The following TMTC2 variants were observed in gnomAD, a reference collection of about 807,000 sequenced individuals.
The protein encoded by TMTC2 is protein O-mannosyl-transferase TMTC2.
A neutral mutation model predicts 82.4 loss-of-function variants in TMTC2; 43 were observed. The ratio of observed to expected loss-of-function variants is 0.52; its 90% CI spans 0.41 to 0.67. The LOEUF (loss-of-function observed/expected upper bound fraction) is 0.67. Ranked by LOEUF, TMTC2 falls within the 30% of genes least tolerant of loss-of-function variation. The pLI is 0.00. For synonymous variants in TMTC2, 408 were observed against 381.9 expected (o/e 1.07, Z -0.80); for missense variants, 919 against 1,012.4 (o/e 0.91, Z 1.25).
Position 82,962,309 on chromosome 12 carries a change from A to T in TMTC2, c.1599-2715A>T, listed in dbSNP as rs796338564. On this transcript the variant is annotated intron_variant, in intron 4 of 11. Coordinates refer to ENST00000321196, the MANE Select transcript of TMTC2 (RefSeq NM_152588.3). ...TGTTCATTCCATCTAGCCTAATAGC[A>T]TGTTTGCCCTTTAGGAATGTAATTA... Among the ~76,000 whole-genome samples, 9 of 152,124 alleles carry T rather than the reference A, an allele frequency of 5.9e-5. 1 individual carries two copies. Among genetic ancestry groups the T allele is most frequent in the African/African-American group, 2.2e-4 (9 of 41,530 alleles).
intron 4 of TMTC2, among the ~76,000 whole-genome samples, chr12:82,958,354 C>CAAAAAAAAAAA (rs750819932): frequency 7.0e-4 from 14 of 19,944 alleles, no homozygotes; most frequent in African/African-American, 2.6e-3. Context: ...GAGTCTGTCT[C>CAAAAAAAAAAA]AAAAAAAAAA....
At chr12:82,891,542 A>G (rs1485912097) in intron 2 of TMTC2, among the ~76,000 whole-genome samples, 1 of 152,152 alleles carries the variant, frequency 6.6e-6, no homozygotes, top group African/African-American at 2.4e-5. Context: ...TCCCGACCTC[A>G]GGTGACCCGC....
intron 1 of TMTC2, among the ~76,000 whole-genome samples, chr12:82,806,591 C>T (rs1483394328): frequency 1.3e-5 from 2 of 152,116 alleles, no homozygotes; most frequent in Non-Finnish European, 2.9e-5. Context: ...ATTACTAATA[C>T]TATTGACTAT....
intron 11 of TMTC2, among the ~76,000 whole-genome samples, chr12:83,066,092 A>T (rs2137480085): frequency 6.6e-6 from 1 of 152,098 alleles, no homozygotes; most frequent in East Asian, 1.9e-4. Context: ...AGAAATGTAC[A>T]ATCTAATGTG....
At chr12:82,805,278 C>T (rs1188009986) in intron 1 of TMTC2, among the ~76,000 whole-genome samples, 2 of 152,036 alleles carry the variant, frequency 1.3e-5, no homozygotes, top group African/African-American at 4.8e-5. Context: ...CATGCCAGGA[C>T]AAATATTTAG....
intron 4 of TMTC2, among the ~76,000 whole-genome samples, chr12:82,945,480 T>C (rs1430637746): frequency 1.3e-5 from 2 of 152,216 alleles, no homozygotes; most frequent in African/African-American, 4.8e-5. Context: ...CACATCCTGT[T>C]TTAATGCCTT....
At chr12:82,977,250 A>G (rs1478990000) in intron 7 of TMTC2, among the ~76,000 whole-genome samples, 1 of 151,960 alleles carries the variant, frequency 6.6e-6, no homozygotes, top group East Asian at 1.9e-4. Flanking sequence ...GAATTTTATC[A>G]AAAACTTGAC....
intron 4 of TMTC2, among the ~76,000 whole-genome samples, chr12:82,939,319 A>G (rs1180325774): frequency 1.3e-5 from 2 of 152,118 alleles, no homozygotes; most frequent in Admixed American, 6.5e-5. Flanking sequence ...AATTTTTAAC[A>G]TATCACTTTT....
intron 1 of TMTC2, among the ~76,000 whole-genome samples, chr12:82,776,449 A>G (rs1217240453): frequency 6.6e-6 from 1 of 152,028 alleles, no homozygotes; most frequent in Non-Finnish European, 1.5e-5. Context: ...TCTGCTGGGT[A>G]AATGAGTATC....
chr12:82,917,815 GA>G (rs1875099163), intron 3 of TMTC2, among the ~76,000 whole-genome samples: 1 of 152,196 alleles, frequency 6.6e-6, no homozygotes, highest in Non-Finnish European at 1.5e-5. Flanking sequence ...TGTTAGCCAG[GA>G]TGGTCTTGAT....
At chr12:82,754,436 C>T (rs895822381) in intron 1 of TMTC2, among the ~76,000 whole-genome samples, 2 of 152,136 alleles carry the variant, frequency 1.3e-5, no homozygotes, top group South Asian at 4.2e-4. Flanking sequence ...AGGTACTTGC[C>T]TTTAAAAAGT....
chr12:82,894,848 G>A (rs989338733), intron 2 of TMTC2, among the ~76,000 whole-genome samples: 6 of 152,056 alleles, frequency 3.9e-5, no homozygotes, highest in Non-Finnish European at 8.8e-5. Context: ...TGCCCAGGCT[G>A]GAGTGCAGTG....
At chr12:82,898,297 CA>C (rs1873783082) in intron 3 of TMTC2, among the ~76,000 whole-genome samples, 1 of 152,168 alleles carries the variant, frequency 6.6e-6, no homozygotes, top group Non-Finnish European at 1.5e-5. Context: ...GAATAATTAT[CA>C]GCTAGTTTTT....
At chr12:82,940,630 G>T (rs1209327581) in intron 4 of TMTC2, among the ~76,000 whole-genome samples, 2 of 150,304 alleles carry the variant, frequency 1.3e-5, no homozygotes, top group African/African-American at 2.4e-5. Context: ...CCTCTGGTGG[G>T]GCCTCTGCAC....
chr12:82,727,232 C>T (rs1373406058), intron 1 of TMTC2, among the ~76,000 whole-genome samples: 3 of 152,032 alleles, frequency 2.0e-5, no homozygotes, highest in Admixed American at 2.0e-4. Context: ...AACCTTTCTT[C>T]TAGTCTTTTT....
chr12:82,853,845 A>G (rs1871113778), intron 1 of TMTC2, among the ~76,000 whole-genome samples: 1 of 152,056 alleles, frequency 6.6e-6, no homozygotes, highest in Non-Finnish European at 1.5e-5. Flanking sequence ...TTACATCAAT[A>G]TCTAGGTTAA....
chr12:83,000,834 A>C (rs1054585991), intron 8 of TMTC2, among the ~76,000 whole-genome samples: 3 of 152,216 alleles, frequency 2.0e-5, no homozygotes, highest in African/African-American at 7.2e-5. Flanking sequence ...ATCTTCTGAA[A>C]TCTAGGTGGA....
At chr12:82,852,319 G>T (rs539524920) in intron 1 of TMTC2, among the ~76,000 whole-genome samples, 21 of 152,154 alleles carry the variant, frequency 1.4e-4, no homozygotes. Flanking sequence ...GTGTTAGCCA[G>T]GATGGTCTCG....
chr12:83,068,287 T>C (rs1882990005), intron 11 of TMTC2, among the ~76,000 whole-genome samples: 2 of 152,096 alleles, frequency 1.3e-5, no homozygotes, highest in South Asian at 4.1e-4. Flanking sequence ...TGAAAGGATA[T>C]AAAATTTCCC....
Sources: gnomAD v4.1 joint callset for allele counts (sites outside exome capture counted in the v4.1 genomes callset) on GRCh38, gnomAD v4.1.1 for gene constraint, MANE v1.5 for transcripts, NCBI Gene and HGNC (gene_info 2026-07-23, HGNC 2026-07-21) for gene names.